The following LRRC37A2 variants were observed in gnomAD, a reference collection of about 807,000 sequenced individuals.
LRRC37A2 encodes the protein leucine-rich repeat-containing protein 37A2.
In LRRC37A2, 9 loss-of-function variants were observed where a neutral mutation model predicts 68.8. The observed-to-expected ratio is 0.13, with a 90% CI of 0.08 to 0.23. The LOEUF (loss-of-function observed/expected upper bound fraction) is 0.23. Among genes scored for constraint, LRRC37A2 ranks in the 10% least tolerant of loss-of-function variants. The pLI, the probability that LRRC37A2 is intolerant of heterozygous loss-of-function variation, is 1.00. For synonymous variants in LRRC37A2, 63 were observed against 367.6 expected (o/e 0.17, Z 9.48); for missense variants, 168 against 950.4 (o/e 0.18, Z 10.82).
chr17:46,727,016 C>A, the LRRC37A2 span, among the ~76,000 whole-genome samples: 1 of 152,136 alleles, frequency 6.6e-6, no homozygotes, highest in African/African-American at 2.4e-5. Flanking sequence ...TCTGCAAATT[C>A]ACTAAAACAC....
chr17:46,533,308 A>G (rs2053996430), intron 6 of LRRC37A2, among the ~76,000 whole-genome samples: 1 of 89,050 alleles, frequency 1.1e-5, no homozygotes, highest in Admixed American at 1.2e-4. Context: ...TCTCAGCTAC[A>G]TCTTAATTTT....
At chr17:46,747,375 G>C in the LRRC37A2 span, among the ~76,000 whole-genome samples, 1 of 152,088 alleles carries the variant, frequency 6.6e-6, no homozygotes, top group Non-Finnish European at 1.5e-5. Context: ...CAAACTCCTT[G>C]GCTCAAGCGA....
the LRRC37A2 span, among the ~76,000 whole-genome samples, chr17:46,429,305 CT>C: frequency 1.9e-5 from 2 of 106,120 alleles, no homozygotes; most frequent in South Asian, 8.0e-4. Flanking sequence ...GTTAGAATGC[CT>C]TCCAACCCCC....
At chr17:46,842,518 G>A in the LRRC37A2 span, among the ~76,000 whole-genome samples, 2 of 152,092 alleles carry the variant, frequency 1.3e-5, no homozygotes, top group African/African-American at 4.8e-5. Flanking sequence ...CGAACCACAG[G>A]TGCATACCAC....
At chr17:46,684,407 G>A in the LRRC37A2 span, among the ~76,000 whole-genome samples, 8 of 151,330 alleles carry the variant, frequency 5.3e-5, no homozygotes, top group Non-Finnish European at 1.0e-4. Context: ...TTGCTATTGT[G>A]AACAGTGCCT....
At chr17:46,733,636 G>T in the LRRC37A2 span, among the ~76,000 whole-genome samples, 1 of 152,172 alleles carries the variant, frequency 6.6e-6, no homozygotes, top group African/African-American at 2.4e-5. Flanking sequence ...ATACACTTGG[G>T]TAAGTGGATG....
chr17:46,788,741 G>A, the LRRC37A2 span, among the ~76,000 whole-genome samples: 10 of 147,418 alleles, frequency 6.8e-5, no homozygotes, highest in East Asian at 2.0e-4. Flanking sequence ...GTGGCCCTGC[G>A]AGGACCTCCC....
the LRRC37A2 span, among the ~76,000 whole-genome samples, chr17:46,753,939 G>C: frequency 6.6e-6 from 1 of 152,186 alleles, no homozygotes; most frequent in Non-Finnish European, 1.5e-5. Flanking sequence ...ATGCTATTCT[G>C]TTAAAACTTG....
At chr17:46,790,821 G>A in the LRRC37A2 span, among the ~76,000 whole-genome samples, 78,094 of 152,088 alleles carry the variant, frequency 0.51, 20,502 homozygotes, top group South Asian at 0.66. Context: ...ATCAGAGGCC[G>A]GCTACTGCGC....
At chr17:46,915,681 G>C in the LRRC37A2 span, among the ~76,000 whole-genome samples, 1 of 152,196 alleles carries the variant, frequency 6.6e-6, no homozygotes, top group Non-Finnish European at 1.5e-5. Flanking sequence ...TTCAGTGGCT[G>C]GGATCATCCC....
At chr17:46,769,861 C>T in the LRRC37A2 span, 1 of 1,613,594 alleles carries the variant, frequency 6.2e-7, no homozygotes, top group Non-Finnish European at 8.5e-7. Context: ...CCGCGAACTC[C>T]CTGGACACTA....
chr17:46,960,279 A>T, the LRRC37A2 span, among the ~76,000 whole-genome samples: 2 of 152,236 alleles, frequency 1.3e-5, no homozygotes, highest in African/African-American at 4.8e-5. Flanking sequence ...TAGAAGACAA[A>T]TTAGACACAC....
chr17:46,778,806 C>T, the LRRC37A2 span, among the ~76,000 whole-genome samples: 2 of 152,006 alleles, frequency 1.3e-5, no homozygotes, highest in Admixed American at 6.6e-5. Flanking sequence ...GCCCGGCCCC[C>T]GGCAACCATT....
chr17:46,806,488 C>T, the LRRC37A2 span, among the ~76,000 whole-genome samples: 2 of 152,154 alleles, frequency 1.3e-5, no homozygotes, highest in African/African-American at 4.8e-5. Context: ...GGGTTACAGG[C>T]GTGAGCCACC....
At chr17:47,008,272 G>A in the LRRC37A2 span, among the ~76,000 whole-genome samples, 5 of 151,080 alleles carry the variant, frequency 3.3e-5, no homozygotes, top group South Asian at 2.1e-4. Flanking sequence ...CACCATGCCC[G>A]GCTAACTTTT....
the LRRC37A2 span, among the ~76,000 whole-genome samples, chr17:47,026,951 C>T: frequency 2.0e-5 from 3 of 152,112 alleles, no homozygotes; most frequent in Non-Finnish European, 4.4e-5. Flanking sequence ...CGCTCTGTCG[C>T]CCAGGCTGGA....
chr17:47,013,709 G>C, the LRRC37A2 span, among the ~76,000 whole-genome samples: 2 of 152,254 alleles, frequency 1.3e-5, no homozygotes, highest in African/African-American at 4.8e-5. Context: ...AAAAGATTCT[G>C]AATTGATCCT....
the LRRC37A2 span, chr17:46,749,732 CTTA>C: frequency 1.3e-6 from 2 of 1,567,366 alleles, no homozygotes; most frequent in Non-Finnish European, 1.7e-6. Flanking sequence ...CCTAATTAGT[CTTA>C]TTATGTACAT....
chr17:46,814,453 C>T, the LRRC37A2 span, among the ~76,000 whole-genome samples: 2 of 152,108 alleles, frequency 1.3e-5, no homozygotes, highest in East Asian at 1.9e-4. Flanking sequence ...GCGGGGTGAG[C>T]GGGAGGGCTG....
Sources: allele counts gnomAD v4.1 joint callset (sites outside exome capture counted in the v4.1 genomes callset), GRCh38; gene constraint gnomAD v4.1.1; transcripts MANE v1.5; gene names NCBI Gene and HGNC (gene_info 2026-07-23, HGNC 2026-07-21).